Variants in RGS20 observed in about 807,000 individuals in gnomAD.
RGS20 encodes the protein regulator of G protein signaling 20.
Under a neutral mutation model 33.6 loss-of-function variants are expected in RGS20, and 30 were observed. That is an observed-to-expected ratio of 0.89 (90% CI 0.67 to 1.21). RGS20 has a LOEUF of 1.21. RGS20 is among the 50% of genes most tolerant of loss of function. The pLI is 0.00. For missense variants in RGS20, 472 were observed against 502.4 expected, an observed-to-expected ratio of 0.94 and a Z score of 0.58; for synonymous variants, 208 against 197.9, an observed-to-expected ratio of 1.05 and a Z score of -0.43.
chr8:53,953,932 G>A (rs1391245859), intron 4 of RGS20, 144 bp from the exon 4 acceptor site: 24 of 692,346 alleles, frequency 3.5e-5, no homozygotes, highest in Non-Finnish European at 4.9e-5. Context: ...GAGGAAATGC[G>A]AACAGTTCTT....
At chr8:53,935,595 A>G (rs1814106953) in intron 2 of RGS20, among the ~76,000 whole-genome samples, 1 of 152,232 alleles carries the variant, frequency 6.6e-6, no homozygotes, top group African/African-American at 2.4e-5. Context: ...ACAAGTTCTA[A>G]AATTGAGGCA....
rs367844788 is a variant in RGS20 at position 53,901,062 on chromosome 8, CTTT to C, written c.510+21477_510+21479del. Among the ~76,000 whole-genome samples the C allele has an allele frequency of 5.3e-3, 697 of 131,242 alleles. 4 individuals are homozygous for C. The highest frequency in any genetic ancestry group is 0.02 in the African/African-American group (660 of 32,622). 86.1% of individuals were successfully genotyped at this position (131,242 alleles called of 152,430 possible). A position where few individuals can be genotyped will look rare whatever the true frequency, so the allele number is the denominator to read the frequency against. ...CATGCCCTGGCCTTCATACTTGTCTCTTTTTTTTTTTTTTTTTTTGAGATGGAG... is the reference window on the plus strand; with the variant it reads ...CATGCCCTGGCCTTCATACTTGTCTCTTTTTTTTTTTTTTTTGAGATGGAG... On this transcript the variant is annotated intron_variant, in intron 2 of 5. Coordinates refer to ENST00000297313, the MANE Select transcript of RGS20 (RefSeq NM_170587.4).
chr8:53,895,417 G>T (rs1377361395), intron 2 of RGS20, among the ~76,000 whole-genome samples: 1 of 152,216 alleles, frequency 6.6e-6, no homozygotes, highest in African/African-American at 2.4e-5. Context: ...TGTGCAGCCT[G>T]CTGTACTGTG....
chr8:53,871,128 A>G (rs1182937152), intron 1 of RGS20, among the ~76,000 whole-genome samples: 3 of 150,868 alleles, frequency 2.0e-5, no homozygotes, highest in African/African-American at 7.3e-5. Context: ...AAAAAAAAAA[A>G]AAAAAAAAAA....
At chr8:53,880,101 G>T (rs1727652508) in intron 2 of RGS20, 1 of 153,014 alleles carries the variant, frequency 6.5e-6, no homozygotes, top group Admixed American at 6.5e-5. Context: ...GGCCCCACCG[G>T]GTCCCACTCC....
chr8:53,939,816 G>C (rs1005951074), intron 3 of RGS20, 92 bp downstream of exon 2: 1 of 1,393,352 alleles, frequency 7.2e-7, no homozygotes, highest in Non-Finnish European at 9.6e-7. Flanking sequence ...AGTGGTGGCA[G>C]CTTATGGTTA....
At chr8:53,932,197 G>T (rs1405932776) in intron 2 of RGS20, among the ~76,000 whole-genome samples, 2 of 152,014 alleles carry the variant, frequency 1.3e-5, no homozygotes, top group East Asian at 3.9e-4. Flanking sequence ...CACAAAACTG[G>T]GTGGCCATTT....
intron 2 of RGS20, among the ~76,000 whole-genome samples, chr8:53,929,406 C>A (rs1233658730): frequency 6.6e-6 from 1 of 152,142 alleles, no homozygotes; most frequent in Non-Finnish European, 1.5e-5. Flanking sequence ...ACAGGCCAGG[C>A]GCAGTGGCTG....
At chr8:53,869,344 T>G (rs1442106520) in intron 1 of RGS20, among the ~76,000 whole-genome samples, 1 of 152,212 alleles carries the variant, frequency 6.6e-6, no homozygotes, top group African/African-American at 2.4e-5. Flanking sequence ...TTTAAAATGT[T>G]GTTTAGTTAA....
chr8:53,881,674 G>A (rs1812388183), intron 2 of RGS20, among the ~76,000 whole-genome samples: 1 of 152,162 alleles, frequency 6.6e-6, no homozygotes, highest in Admixed American at 6.5e-5. Context: ...CTAGAAGACC[G>A]ACTAGGTATG....
rs529761850 is a variant in RGS20, at chr8:53,889,063, CA to C, written c.510+9462del. On this transcript the variant is annotated intron_variant, in intron 2 of 5. Transcript: ENST00000297313. ...AACTTATTTCCTTTGGGTATATGCC[CA>C]GGATAAAAATTGTTGGGTAATAAGT... is the stretch of plus-strand genomic sequence containing the variant. Among the ~76,000 whole-genome samples the C allele has an allele frequency of 1.0e-3, 153 of 152,198 alleles. 1 individual carries two copies. Among genetic ancestry groups the C allele is most frequent in the Middle Eastern group, 3.4e-3 (1 of 294 alleles).
Position 53,851,975 on chromosome 8 carries a change from C to T in RGS20, c.76C>T (p.Leu26=). ...CAGGCCGTCTATATGGACACAGTTT[C>T]TGCCCCTGTTCAGGGCTCAGAGATA... The change falls in exon 1 of 6, where the codon CTG becomes TTG. Residue 26 remains leucine (L), a synonymous_variant. Coordinates refer to ENST00000297313, the MANE Select transcript of RGS20 (RefSeq NM_170587.4). The T allele has an allele frequency of 6.2e-7, 1 of 1,614,168 alleles. No individual in the cohort carries two copies. Among genetic ancestry groups the T allele is most frequent in the Non-Finnish European group, 8.5e-7 (1 of 1,180,014 alleles).
chr8:53,853,320 G>A, intron 1 of RGS20, among the ~76,000 whole-genome samples: 1 of 152,166 alleles, frequency 6.6e-6, no homozygotes, highest in East Asian at 1.9e-4. Flanking sequence ...TCTTGAGAAG[G>A]TATGCTCTAA....
At chr8:53,884,608 A>T (rs1812486582) in intron 2 of RGS20, among the ~76,000 whole-genome samples, 1 of 152,194 alleles carries the variant, frequency 6.6e-6, no homozygotes, top group South Asian at 2.1e-4. Context: ...TCTGGGCCAG[A>T]GATCTCCAGC....
At chr8:53,947,306 A>G in intron 4 of RGS20, among the ~76,000 whole-genome samples, 1 of 141,448 alleles carries the variant, frequency 7.1e-6, no homozygotes, top group Non-Finnish European at 1.5e-5. Context: ...GCTATATAAG[A>G]TATAGTATAT....
Position 53,879,530 on chromosome 8 carries a change from G to A in RGS20, c.438G>A (p.Pro146=). Residue 146 remains proline (P), a synonymous_variant, in exon 2 of 6, where the codon CCG becomes CCA. Coordinates refer to ENST00000297313, the MANE Select transcript of RGS20 (RefSeq NM_170587.4). Reference sequence around the variant, plus strand: ...CCGGCCGACCCTCGGGGGGTCGTCCGCTGAGGCCCCCCCATCCGGTAGCCA... The same window carrying A: ...CCGGCCGACCCTCGGGGGGTCGTCCACTGAGGCCCCCCCATCCGGTAGCCA... 6.5e-7 allele frequency: 1 copy of A among 1,541,838 alleles called. No homozygotes were observed. The highest frequency in any genetic ancestry group is 1.4e-5 in the African/African-American group (1 of 71,796).
At chr8:53,862,305 G>A (rs1811827037) in intron 1 of RGS20, among the ~76,000 whole-genome samples, 1 of 152,062 alleles carries the variant, frequency 6.6e-6, no homozygotes, top group Non-Finnish European at 1.5e-5. Context: ...AAATCTACAG[G>A]GAACACTCAT....
At chr8:53,881,073 G>C (rs928210720) in intron 2 of RGS20, 9 of 1,547,398 alleles carry the variant, frequency 5.8e-6, no homozygotes, top group Non-Finnish European at 5.2e-6. Context: ...CGGCAGGGTG[G>C]ACGGTGGGCT....
At chr8:53,870,828 A>T (rs916012873) in intron 1 of RGS20, among the ~76,000 whole-genome samples, 8 of 152,092 alleles carry the variant, frequency 5.3e-5, no homozygotes, top group African/African-American at 1.9e-4. Flanking sequence ...AATTAGCAAT[A>T]TAGGCCAGGT....
Sources: allele counts gnomAD v4.1 joint callset (sites outside exome capture counted in the v4.1 genomes callset), GRCh38; gene constraint gnomAD v4.1.1; transcripts MANE v1.5; gene names NCBI Gene and HGNC (gene_info 2026-07-23, HGNC 2026-07-21).